Variants in SERPINE2 observed in about 807,000 individuals in gnomAD.
The protein encoded by SERPINE2 is glia-derived nexin.
A neutral mutation model predicts 36.3 loss-of-function variants in SERPINE2; 14 were observed. The ratio of observed to expected loss-of-function variants is 0.39; its 90% confidence interval spans 0.25 to 0.60. SERPINE2 has a LOEUF of 0.60. SERPINE2 is among the 20% of genes least tolerant of loss of function. The pLI is 0.57. For synonymous variants in SERPINE2, 192 were observed against 191.8 expected (o/e 1.00, Z -0.01); for missense variants, 418 against 499.6 (o/e 0.84, Z 1.56).
chr2:224,031,017 G>A, intron 1 of SERPINE2: 1 of 985,442 alleles, frequency 1.0e-6, no homozygotes, highest in Non-Finnish European at 1.2e-6. Flanking sequence ...TGTTTTGGTT[G>A]TGATACTAGG....
At position 223,998,307 on chromosome 2, in the gene SERPINE2, T is replaced by C; in HGVS notation, c.295A>G (p.Ile99Val). The change falls in exon 3 of 9, where the codon ATC (isoleucine) becomes GTC (valine). Residue 99 changes from isoleucine to valine, a missense_variant. Ile to Val is a conservative substitution (Grantham distance 29). Coordinates refer to ENST00000409304, the MANE Select transcript of SERPINE2 (RefSeq NM_001136528.2). ...ATGTCTTTATTCTTCTTGGAGACGA[T>C]GGCCTTGTTGATCTTCTTTAATATT... ...GKILKKINKA[I>V]VSKKNKDIVT... 7 of 1,614,082 alleles carry C rather than the reference T, an allele frequency of 4.3e-6. No homozygotes were observed. Among genetic ancestry groups the C allele is most frequent in the Non-Finnish European group, 5.9e-6 (7 of 1,179,880 alleles).
chr2:224,037,097 C>T (rs1178919466), intron 1 of SERPINE2, among the ~76,000 whole-genome samples: 1 of 152,196 alleles, frequency 6.6e-6, no homozygotes. Context: ...ACAAGAATGA[C>T]AGTTTCAAGC....
intron 1 of SERPINE2, among the ~76,000 whole-genome samples, chr2:224,005,387 A>G (rs1691386021): frequency 1.3e-5 from 2 of 152,004 alleles, no homozygotes; most frequent in Non-Finnish European, 2.9e-5. Flanking sequence ...TTGGAATCAG[A>G]GCTATTTTTG....
chr2:224,006,050 T>C (rs1164350541), intron 1 of SERPINE2, among the ~76,000 whole-genome samples: 2 of 152,224 alleles, frequency 1.3e-5, no homozygotes, highest in Admixed American at 6.5e-5. Flanking sequence ...TAGTAAATAA[T>C]GGGATGGTAG....
chr2:224,036,708 C>T (rs1188741529), intron 1 of SERPINE2, among the ~76,000 whole-genome samples: 1 of 151,066 alleles, frequency 6.6e-6, no homozygotes, highest in Non-Finnish European at 1.5e-5. Context: ...GAGACTCTGG[C>T]CAGCTTGCAA....
intron 7 of SERPINE2, chr2:223,979,026 C>CA (rs1463341730): frequency 1.3e-5 from 2 of 151,882 alleles, no homozygotes. Flanking sequence ...TCAGGAGAAA[C>CA]AAACCTGCCA....
intron 1 of SERPINE2, among the ~76,000 whole-genome samples, chr2:224,004,410 A>G (rs1203872651): frequency 1.3e-5 from 2 of 152,198 alleles, no homozygotes; most frequent in African/African-American, 2.4e-5. Flanking sequence ...TTGTAAAACA[A>G]TTGTATCAAC....
In SERPINE2 at chr2:223,977,647, A is replaced by G. The variant is rs1399364952; in HGVS notation, c.1073-20T>C. The G allele has an allele frequency of 1.3e-6, 2 of 1,558,204 alleles. No individual in the cohort carries two copies. Among genetic ancestry groups the G allele is most frequent in the Non-Finnish European group, 1.8e-6 (2 of 1,129,382 alleles). ...TTGCAGCTACGGGAAGAAAAGGAAA[A>G]TGTGTTGTGCACATTACATGAGACC... On this transcript the variant is annotated intron_variant, in intron 7 of 8. Coordinates refer to ENST00000409304, the MANE Select transcript of SERPINE2 (RefSeq NM_001136528.2).
In SERPINE2 at chr2:223,991,877, T is replaced by C. The variant is rs748439893; in HGVS notation, c.611A>G (p.Lys204Arg). The part of the protein sequence containing the change: ...KSRFQPENTK[K>R]RTFVAADGKS... ...CCCGTCGGCTGCCACGAAAGTGCGT[T>C]TCTTTGTGTTCTCGGGTTGGAACCG... The change falls in exon 4 of 9, where the codon AAA becomes AGA. Residue 204 changes from lysine to arginine, a missense_variant. Coordinates refer to ENST00000409304, the MANE Select transcript of SERPINE2 (RefSeq NM_001136528.2). 5 of 1,613,386 alleles carry C rather than the reference T, an allele frequency of 3.1e-6. No individual in the cohort carries two copies. The South Asian group carries it at 4.4e-5, about 14-fold the overall frequency.
chr2:224,021,437 A>C (rs1691996003), intron 1 of SERPINE2, among the ~76,000 whole-genome samples: 1 of 152,244 alleles, frequency 6.6e-6, no homozygotes. Context: ...GATGAAGGGA[A>C]GACAGAGCCT....
At chr2:224,011,244 TG>T (rs1339462527) in intron 1 of SERPINE2, among the ~76,000 whole-genome samples, 3 of 152,218 alleles carry the variant, frequency 2.0e-5, no homozygotes, top group Non-Finnish European at 2.9e-5. Flanking sequence ...GACATTATAG[TG>T]ACATTGACCA....
intron 1 of SERPINE2, among the ~76,000 whole-genome samples, chr2:224,005,061 T>TAC: frequency 1.3e-4 from 1 of 7,558 alleles, no homozygotes; most frequent in African/African-American, 3.8e-4. Context: ...ATATTTTATA[T>TAC]ATATTATATA....
At chr2:223,997,990 G>C in intron 3 of SERPINE2, 125 bp downstream of exon 3, 1 of 713,626 alleles carries the variant, frequency 1.4e-6, no homozygotes, top group Admixed American at 2.3e-5. Context: ...GAGCTTCCTT[G>C]GTCCAGGAGT....
chr2:224,003,220 A>G (rs1335776538), intron 1 of SERPINE2, among the ~76,000 whole-genome samples: 1 of 152,108 alleles, frequency 6.6e-6, no homozygotes, highest in Non-Finnish European at 1.5e-5. Context: ...GGTGTATTAG[A>G]GGCCAGTGTG....
intron 1 of SERPINE2, among the ~76,000 whole-genome samples, chr2:224,012,017 G>A (rs1308575676): frequency 2.0e-5 from 3 of 152,124 alleles, no homozygotes; most frequent in Non-Finnish European, 4.4e-5. Context: ...TTCTTGGTTG[G>A]CCCTAAGTGG....
rs148706841 is a variant in SERPINE2, at chr2:224,028,761, C to T, written c.-23+10338G>A. The stretch of plus-strand genomic sequence containing the variant: ...GATGCATAATTTTCCACTTCCCTCT[C>T]CCCTTGGAAGTACTTTTTGGGCTCC... On this transcript the variant is annotated intron_variant, in intron 1 of 8. Transcript: ENST00000409304. 2.1e-3 allele frequency among the ~76,000 whole-genome samples: 326 copies of T among 152,310 alleles called. 2 individuals are homozygous for T. Among genetic ancestry groups the T allele is most frequent in the African/African-American group, 7.1e-3 (295 of 41,564 alleles).
intron 1 of SERPINE2, among the ~76,000 whole-genome samples, chr2:224,010,761 A>G (rs1412635638): frequency 6.6e-6 from 1 of 152,196 alleles, no homozygotes; most frequent in Non-Finnish European, 1.5e-5. Flanking sequence ...TAACCAGCCT[A>G]ATACCTGGCT....
intron 2 of SERPINE2, among the ~76,000 whole-genome samples, chr2:224,000,511 G>A (rs908029443): frequency 3.3e-5 from 5 of 152,052 alleles, no homozygotes; most frequent in South Asian, 2.1e-4. Flanking sequence ...CTCTCTCTAC[G>A]TATCTATCTA....
intron 1 of SERPINE2, among the ~76,000 whole-genome samples, chr2:224,003,875 G>C (rs1169516405): frequency 6.6e-6 from 1 of 152,076 alleles, no homozygotes; most frequent in African/African-American, 2.4e-5. Flanking sequence ...AAAACAGAAG[G>C]GGGCCTTTTA....
Sources: gnomAD v4.1 joint callset for allele counts (sites outside exome capture counted in the v4.1 genomes callset) on GRCh38, gnomAD v4.1.1 for gene constraint, MANE v1.5 for transcripts, NCBI Gene and HGNC (gene_info 2026-07-23, HGNC 2026-07-21) for gene names.